SLC6A12: variants seen among roughly 807,000 people sequenced by gnomAD.
SLC6A12 encodes the protein sodium- and chloride-dependent betaine transporter.
In SLC6A12, 50 loss-of-function variants were observed where a neutral mutation model predicts 73.3. The observed-to-expected ratio is 0.68, with a 90% CI of 0.54 to 0.86. The LOEUF (loss-of-function observed/expected upper bound fraction) is 0.86, where lower values mean the gene tolerates loss of function less well. Ranked by LOEUF, SLC6A12 falls within the 40% of genes least tolerant of loss-of-function variation. The pLI is 0.00. For missense variants in SLC6A12, 648 were observed against 772.8 expected, an observed-to-expected ratio of 0.84 and a Z score of 1.92; for synonymous variants, 304 against 309.2, an observed-to-expected ratio of 0.98 and a Z score of 0.18.
rs1940293102 is a variant in SLC6A12, at chr12:201,974, C to T, written c.491-125G>A. 4 of 725,452 alleles carry T rather than the reference C, an allele frequency of 5.5e-6. No homozygotes were observed. In the Admixed American group the frequency reaches 7.2e-5, roughly 13 times the overall value. 44.9% of individuals were successfully genotyped at this position (725,452 alleles called of 1,614,324 possible). A position where few individuals can be genotyped will look rare whatever the true frequency, so the allele number is the denominator to read the frequency against. On this transcript the variant is annotated intron_variant, in intron 5 of 15. Transcript: ENST00000684302. Reference sequence around the variant, plus strand: ...TAGCCCCAAGAGCTTCTTTTGGAGCCCCCACTCTCCAGGGCATCAGGAGGC... The same window carrying T: ...TAGCCCCAAGAGCTTCTTTTGGAGCTCCCACTCTCCAGGGCATCAGGAGGC...
chr12:193,209 TC>T, intron 14 of SLC6A12, 67 bp downstream of exon 14: 3 of 1,131,742 alleles, frequency 2.7e-6, no homozygotes, highest in Non-Finnish European at 4.0e-6. Context: ...ATGTCAGCCG[TC>T]CTTTCCCTCA....
At chr12:204,412 C>T (rs184671990) in intron 4 of SLC6A12, 152 bp downstream of exon 4, 6 of 767,986 alleles carry the variant, frequency 7.8e-6, no homozygotes, top group Admixed American at 4.5e-5. Context: ...AGGCTCTCTC[C>T]GGCCCACCCA....
chr12:196,357 C>T, intron 11 of SLC6A12, 96 bp from the exon 12 acceptor site: 1 of 1,428,426 alleles, frequency 7.0e-7, no homozygotes, highest in Non-Finnish European at 9.5e-7. Flanking sequence ...CACACTGATG[C>T]ACAGGGGTGC....
chr12:203,260 G>C (rs1184948844), intron 4 of SLC6A12: 1 of 165,872 alleles, frequency 6.0e-6, no homozygotes, highest in African/African-American at 2.4e-5. Context: ...GAGAAGGGGA[G>C]GGTCTCGCTA....
At position 201,755 on chromosome 12, in the gene SLC6A12, C is replaced by A. The variant is rs1392719758; in HGVS notation, c.578+7G>T. 1.1e-5 allele frequency: 18 copies of A among 1,610,952 alleles called. No homozygotes were observed. Among genetic ancestry groups the A allele is most frequent in the Non-Finnish European group, 1.4e-5 (16 of 1,177,222 alleles). ...CTTCATATGTGGCAAATGGGCCCAG[C>A]ACCTACTCCCAGAATTCCATGACAG... is the stretch of plus-strand genomic sequence containing the variant. On this transcript the variant is annotated splice_region_variant and intron_variant, in intron 6 of 15. Transcript: ENST00000684302.
At chr12:186,800 G>C (rs372823465), downstream of SLC6A12, among the ~76,000 whole-genome samples, 18 of 152,276 alleles carry the variant, frequency 1.2e-4, no homozygotes, top group East Asian at 3.1e-3. Context: ...GAATGTCCAG[G>C]TGGGAGAGAG....
chr12:209,740 C>T (rs1940824631), intron 3 of SLC6A12, 33 bp downstream of exon 3: 1 of 1,613,464 alleles, frequency 6.2e-7, no homozygotes, highest in Middle Eastern at 1.7e-4. Context: ...GCACACAGCT[C>T]TCCCCACCAT....
chr12:192,691 C>T, intron 14 of SLC6A12, 43 bp from the exon 15 acceptor site: 1 of 1,582,980 alleles, frequency 6.3e-7, no homozygotes, highest in Non-Finnish European at 8.7e-7. Context: ...TAGGGGGCGA[C>T]TGAAACCCTC....
intron 3 of SLC6A12, among the ~76,000 whole-genome samples, chr12:208,182 C>T (rs1361572964): frequency 6.6e-6 from 1 of 152,180 alleles, no homozygotes; most frequent in Non-Finnish European, 1.5e-5. Context: ...ATCTCCAGCC[C>T]TAACATCCTA....
chr12:197,907 AGTT>A lies in SLC6A12; in HGVS notation c.940_942del (p.Asn314del), dbSNP rs1313282494. The stretch of plus-strand genomic sequence containing the variant: ...GGCCCACGCTGTTCTCACTTGTAGC[AGTT>A]GTTGTGATACTTGTTGTAGCTGCCC... On this transcript the variant is annotated inframe_deletion, in exon 9 of 16. Transcript: ENST00000684302. 1 of 1,587,198 alleles carries A rather than the reference AGTT, an allele frequency of 6.3e-7. No homozygotes were observed. Among genetic ancestry groups the A allele is most frequent in the South Asian group, 1.1e-5 (1 of 90,256 alleles).
downstream of SLC6A12, among the ~76,000 whole-genome samples, chr12:187,565 G>GCAGCAAGA (rs200999816): frequency 0.017 from 2,082 of 119,680 alleles, 39 homozygotes; most frequent in Middle Eastern, 0.12. Flanking sequence ...ACAGTGAGCA[G>GCAGCAAGA]CAGCAAGATT....
At chr12:199,340 A>G (rs1003864231) in intron 7 of SLC6A12, among the ~76,000 whole-genome samples, 1 of 152,232 alleles carries the variant, frequency 6.6e-6, no homozygotes, top group Non-Finnish European at 1.5e-5. Flanking sequence ...GGCAAAGACT[A>G]ATTTAAAGTC....
At position 191,132 on chromosome 12, in the gene SLC6A12, C is replaced by T. The variant is rs537332809; in HGVS notation, c.1781G>A (p.Arg594Gln). Residue 594 changes from arginine to glutamine, a missense_variant, in exon 16 of 16, where the codon CGG becomes CAG. Arg to Gln is a conservative substitution (Grantham distance 43). Coordinates refer to ENST00000684302, the MANE Select transcript of SLC6A12 (RefSeq NM_001122848.3). Reference protein sequence around the residue: ...QHPCLDGSAGRNFGPSPTREG... With the variant: ...QHPCLDGSAGQNFGPSPTREG... ...CCTTGTTGGGGAGGGCCCAAAGTTC[C>T]GGCCAGCACTGCCATCCAAGCAGGG... 114 of 1,348,066 alleles carry T rather than the reference C, an allele frequency of 8.5e-5. No homozygotes were observed. In the African/African-American group the frequency reaches 1.1e-3, roughly 14 times the overall value. The allele number at this position is 1,348,066 out of a possible 1,614,324, so 83.5% of individuals were successfully genotyped here.
At chr12:196,966 G>GTGTT in intron 10 of SLC6A12, 84 bp from the exon 11 acceptor site, 3 of 852,796 alleles carry the variant, frequency 3.5e-6, no homozygotes, top group Non-Finnish European at 5.9e-6. Context: ...CACTGTGTGT[G>GTGTT]TGTGTACCTG....
At chr12:210,252 G>T in intron 2 of SLC6A12, 1 of 1,132,036 alleles carries the variant, frequency 8.8e-7, no homozygotes, top group Non-Finnish European at 1.2e-6. Flanking sequence ...CTTGGCAGAT[G>T]AAGTGATTCA....
At chr12:189,841 C>G (rs1318980710), downstream of SLC6A12, among the ~76,000 whole-genome samples, 2 of 116,108 alleles carry the variant, frequency 1.7e-5, no homozygotes, top group Non-Finnish European at 3.5e-5. Flanking sequence ...ACACCCGCCC[C>G]CTGGGACACT....
chr12:187,056 C>T (rs1056858571), downstream of SLC6A12, among the ~76,000 whole-genome samples: 14 of 152,200 alleles, frequency 9.2e-5, no homozygotes, highest in African/African-American at 3.4e-4. Context: ...TGTGAGAAAA[C>T]CAGGTGTGAC....
chr12:204,775 C>G (rs1392152807), intron 3 of SLC6A12, 77 bp from the exon 4 acceptor site: 2 of 1,521,558 alleles, frequency 1.3e-6, no homozygotes, highest in East Asian at 4.7e-5. Flanking sequence ...CCCTCCTCCC[C>G]CAACAAACCC....
intron 7 of SLC6A12, 174 bp from the exon 8 acceptor site, chr12:199,105 G>C: frequency 1.8e-6 from 1 of 555,268 alleles, no homozygotes; most frequent in East Asian, 3.1e-5. Flanking sequence ...CAGTGGGTCT[G>C]TGCTCCCCCC....
Sources: gnomAD v4.1 joint callset for allele counts (sites outside exome capture counted in the v4.1 genomes callset) on GRCh38, gnomAD v4.1.1 for gene constraint, MANE v1.5 for transcripts, NCBI Gene and HGNC (gene_info 2026-07-23, HGNC 2026-07-21) for gene names.